The following MYO7A variants were observed in gnomAD, a reference collection of about 807,000 sequenced individuals.
MYO7A encodes myosin VIIA.
A neutral mutation model predicts 263.8 loss-of-function variants in MYO7A; 210 were observed. The observed-to-expected ratio is 0.80, with a 90% CI of 0.71 to 0.89. MYO7A has a LOEUF of 0.89. MYO7A is among the 40% of genes least tolerant of loss of function. The pLI is 0.00. For missense variants in MYO7A, 2,820 were observed against 2,968.3 expected, an observed-to-expected ratio of 0.95 and a Z score of 1.16; for synonymous variants, 1,239 against 1,197.3, an observed-to-expected ratio of 1.03 and a Z score of -0.72.
At chr11:77,213,771 G>A (rs1958006312) in intron 47 of MYO7A, 89 bp from the exon 48 acceptor site, 1 of 1,586,038 alleles carries the variant, frequency 6.3e-7, no homozygotes. Flanking sequence ...GCTCCTCTGA[G>A]GGCCTGAGGC....
rs55770291 is a variant in MYO7A, at chr11:77,211,536, G to A, written c.6237+199G>A. 3.2e-3 allele frequency among the ~76,000 whole-genome samples: 491 copies of A among 152,254 alleles called. 4 individuals carry two copies. Among genetic ancestry groups the A allele is most frequent in the Non-Finnish European group, 5.8e-3 (392 of 68,030 alleles). ...ATGCCAAGGACTCAGTGGCCACTTG[G>A]CAGTCATTTATCCTGTCCTGGTTAC... On this transcript the variant is annotated intron_variant, in intron 45 of 48. Transcript: ENST00000409709.
At chr11:77,190,448 T>C (rs1185094866) in intron 29 of MYO7A, among the ~76,000 whole-genome samples, 1 of 152,168 alleles carries the variant, frequency 6.6e-6, no homozygotes, top group Non-Finnish European at 1.5e-5. Flanking sequence ...CAGAGACCCC[T>C]GGCCTGTGGC....
At position 77,183,355 on chromosome 11, in the gene MYO7A, G is replaced by A. The variant is rs566878120; in HGVS notation, c.3375+198G>A. Among the ~76,000 whole-genome samples, 14 of 152,328 alleles carry A rather than the reference G, an allele frequency of 9.2e-5. No individual in the cohort carries two copies. The South Asian group carries it at 2.9e-3, about 32-fold the overall frequency. ...TCAGGCAGACAGGAGTGTCTGAAGA[G>A]GGTGGGATCTCAGGCCGGGGGTGGG... is the stretch of plus-strand genomic sequence containing the variant. On this transcript the variant is annotated intron_variant, in intron 26 of 48. Transcript: ENST00000409709.
At position 77,193,949 on chromosome 11, in the gene MYO7A, C is replaced by T. The variant is rs112441778; in HGVS notation, c.4153-405C>T. The T allele has an allele frequency of 1.6e-3, 741 of 458,676 alleles. 3 individuals are homozygous for T. Among genetic ancestry groups the T allele is most frequent in the African/African-American group, 9.6e-3 (484 of 50,504 alleles). 28.4% of individuals were successfully genotyped at this position (458,676 alleles called of 1,614,324 possible). ...ATGCACTTCCCTCACTCTGACCCTG[C>T]CAGCAGACCCTAGGTGTCTCCCATT... is the stretch of plus-strand genomic sequence containing the variant. On this transcript the variant is annotated intron_variant, in intron 31 of 48. Coordinates refer to ENST00000409709, the MANE Select transcript of MYO7A (RefSeq NM_000260.4).
rs753297673 is a variant in MYO7A at position 77,190,718 on chromosome 11, A to G, written c.3772A>G (p.Ile1258Val). The G allele has an allele frequency of 2.5e-6, 4 of 1,597,020 alleles. No individual in the cohort carries two copies. Among genetic ancestry groups the G allele is most frequent in the Non-Finnish European group, 3.4e-6 (4 of 1,172,378 alleles). The change falls in exon 30 of 49, where the codon ATC becomes GTC. Residue 1258 changes from isoleucine to valine, a missense_variant. Transcript: ENST00000409709. ...ELQATKSKKP[I>V]MLPVTFMDGT... Reference sequence around the variant, plus strand: ...CCAGGCCACCAAGTCCAAGAAGCCAATCATGTTGCCCGTGACATTCATGGA... The same window carrying G: ...CCAGGCCACCAAGTCCAAGAAGCCAGTCATGTTGCCCGTGACATTCATGGA...
At chr11:77,204,372 C>T in intron 39 of MYO7A, 143 bp downstream of exon 39, 3 of 1,209,122 alleles carry the variant, frequency 2.5e-6, no homozygotes, top group Non-Finnish European at 3.4e-6. Context: ...GGCCCCCTCA[C>T]ATCCTAGCTT....
chr11:77,157,474 G>A, intron 8 of MYO7A, 82 bp downstream of exon 8: 1 of 898,166 alleles, frequency 1.1e-6, no homozygotes, highest in Admixed American at 2.5e-5. Flanking sequence ...TCAGCCTTGA[G>A]GTCTCACTGG....
chr11:77,190,594 G>A (rs894987561), intron 29 of MYO7A, 103 bp from the exon 30 acceptor site: 295 of 1,218,892 alleles, frequency 2.4e-4, no homozygotes, highest in Non-Finnish European at 2.9e-4. Context: ...GGCCTGGGGT[G>A]CTGGGGCACC....
In MYO7A at chr11:77,211,892, C is replaced by T. The variant is rs371789765; in HGVS notation, c.6309C>T (p.Leu2103=). 3.3e-5 allele frequency: 54 copies of T among 1,613,872 alleles called. No homozygotes were observed. The African/African-American group carries it at 4.7e-4, about 14-fold the overall frequency. Residue 2103 remains leucine (L), a synonymous_variant, in exon 46 of 49, where the codon CTC becomes CTT. Transcript: ENST00000409709. ...AGGCCAAGCTGGCCTTCCTGAAGCTCATCTTCAAGTGGCCCACCTTTGGCT... is the reference window on the plus strand; with the variant it reads ...AGGCCAAGCTGGCCTTCCTGAAGCTTATCTTCAAGTGGCCCACCTTTGGCT... ...KEEAKLAFLK[L]IFKWPTFGSA...
At chr11:77,168,887 G>A (rs1953818612) in intron 15 of MYO7A, among the ~76,000 whole-genome samples, 1 of 152,214 alleles carries the variant, frequency 6.6e-6, no homozygotes, top group Admixed American at 6.5e-5. Context: ...AGGGATTCGA[G>A]TGCAGGCCTG....
intron 46 of MYO7A, chr11:77,212,690 A>G (rs1458349686): frequency 3.6e-6 from 2 of 554,120 alleles, no homozygotes; most frequent in African/African-American, 1.9e-5. Flanking sequence ...TGCAGGGTCC[A>G]GGAGGCTTTT....
At chr11:77,152,000 G>T (rs1032723192) in intron 4 of MYO7A, among the ~76,000 whole-genome samples, 1 of 152,138 alleles carries the variant, frequency 6.6e-6, no homozygotes, top group Non-Finnish European at 1.5e-5. Flanking sequence ...TTGGAGGCTC[G>T]CCTCTCTCAT....
At position 77,213,968 on chromosome 11, in the gene MYO7A, G is replaced by C. The variant is rs373761833; in HGVS notation, c.6547G>C (p.Glu2183Gln). Reference sequence around the variant, plus strand: ...GGTGCGCGGGAGCAAACTGCTCTGCGAGACGTCACTGGTGAGGGCGCATCC... The same window carrying C: ...GGTGCGCGGGAGCAAACTGCTCTGCCAGACGTCACTGGTGAGGGCGCATCC... ...NLVRGSKLLC[E>Q]TSLGYKMDDL... The change falls in exon 48 of 49, where the codon GAG becomes CAG. Residue 2183 changes from glutamate to glutamine, a missense_variant. By Grantham distance (29) the Glu-to-Gln change is conservative. Transcript: ENST00000409709. The C allele has an allele frequency of 2.5e-6, 4 of 1,614,064 alleles. No individual in the cohort carries two copies. Among genetic ancestry groups the C allele is most frequent in the African/African-American group, 1.3e-5 (1 of 75,072 alleles).
chr11:77,171,944 C>T (rs1367005583), intron 15 of MYO7A, among the ~76,000 whole-genome samples: 2 of 152,204 alleles, frequency 1.3e-5, no homozygotes, highest in Non-Finnish European at 2.9e-5. Flanking sequence ...CCAGGTGTGG[C>T]TGGTGGAGCA....
At chr11:77,134,781 CT>C (rs34558738) in intron 2 of MYO7A, among the ~76,000 whole-genome samples, 10,070 of 124,358 alleles carry the variant, frequency 0.081, 176 homozygotes, top group East Asian at 0.17. Flanking sequence ...TACCACTTAA[CT>C]TTTTTTTTTT....
rs1291977452 is a variant in MYO7A at position 77,160,345 on chromosome 11, G to A, written c.1200+63G>A. The A allele has an allele frequency of 3.6e-5, 55 of 1,522,500 alleles. No individual in the cohort carries two copies. In the Admixed American group the frequency reaches 1.0e-3, roughly 29 times the overall value. The allele number at this position is 1,522,500 out of a possible 1,614,324, so 94.3% of individuals were successfully genotyped here. ...CCTTGGGAAGTTGGGCTCTTGATGGGCAGGTGCCAAGGAGTCCTGGGAGGT... is the reference window on the plus strand; with the variant it reads ...CCTTGGGAAGTTGGGCTCTTGATGGACAGGTGCCAAGGAGTCCTGGGAGGT... On this transcript the variant is annotated intron_variant, in intron 11 of 48. Coordinates refer to ENST00000409709, the MANE Select transcript of MYO7A (RefSeq NM_000260.4).
Position 77,179,093 on chromosome 11 carries a change from C to T in MYO7A, c.2331C>T (p.His777=). 2 of 1,607,720 alleles carry T rather than the reference C, an allele frequency of 1.2e-6. No homozygotes were observed. Among genetic ancestry groups the T allele is most frequent in the Non-Finnish European group, 1.7e-6 (2 of 1,177,574 alleles). The part of the protein sequence containing the change: ...LKNAATLIQR[H]WRGHNCRKNY... ...ACGCTGCCACACTGATCCAGAGGCA[C>T]TGGCGGGGTCACAACTGTAGGAAGA... Residue 777 remains histidine (H), a synonymous_variant, in exon 20 of 49, where the codon CAC becomes CAT. Transcript: ENST00000409709.
At chr11:77,180,262 T>TCTGCCAATTTATTTGG in intron 21 of MYO7A, 112 bp from the exon 22 acceptor site, 1 of 900,836 alleles carries the variant, frequency 1.1e-6, no homozygotes, top group Non-Finnish European at 1.8e-6. Context: ...ACTTGTCCTA[T>TCTGCCAATTTATTTGG]CAAAGTCATG....
At chr11:77,175,282 A>G in intron 17 of MYO7A, 90 bp from the exon 18 acceptor site, 2 of 1,196,532 alleles carry the variant, frequency 1.7e-6, no homozygotes, top group East Asian at 2.3e-5. Flanking sequence ...GAGCTCGGGA[A>G]GAGCCCTGCC....
Sources: allele counts gnomAD v4.1 joint callset (sites outside exome capture counted in the v4.1 genomes callset), GRCh38; gene constraint gnomAD v4.1.1; transcripts MANE v1.5; gene names NCBI Gene and HGNC (gene_info 2026-07-23, HGNC 2026-07-21).